The following NAV2 variants were observed in gnomAD, a reference collection of about 807,000 sequenced individuals.
NAV2 encodes the protein neuron navigator 2.
A neutral mutation model predicts 223.2 loss-of-function variants in NAV2; 54 were observed. The ratio of observed to expected loss-of-function variants is 0.24; its 90% CI spans 0.19 to 0.30. The LOEUF is 0.30. Among genes scored for constraint, NAV2 ranks in the 10% least tolerant of loss-of-function variants. The pLI, the probability that NAV2 is intolerant of heterozygous loss-of-function variation, is 1.00. For synonymous variants in NAV2, 1,279 were observed against 1,239.3 expected (o/e 1.03, Z -0.67); for missense variants, 2,806 against 3,147.5 (o/e 0.89, Z 2.60).
chr11:19,735,205 C>T (rs1207028910), intron 1 of NAV2, among the ~76,000 whole-genome samples: 2 of 152,178 alleles, frequency 1.3e-5, no homozygotes, highest in African/African-American at 2.4e-5. Flanking sequence ...AAAGCTTCTC[C>T]ATGGGCTTTG....
chr11:20,058,201 T>C (rs1340100628), intron 19 of NAV2, among the ~76,000 whole-genome samples: 1 of 152,238 alleles, frequency 6.6e-6, no homozygotes, highest in Non-Finnish European at 1.5e-5. Context: ...ATTTCATGTT[T>C]GGACCAAACA....
chr11:19,437,363 T>G (rs940304147), intron 1 of NAV2, among the ~76,000 whole-genome samples: 3 of 152,140 alleles, frequency 2.0e-5, no homozygotes, highest in Non-Finnish European at 4.4e-5. Context: ...CTTGGTGTCA[T>G]CCTTTAAATA....
Position 19,933,463 on chromosome 11 carries a change from C to A in NAV2, c.1219C>A (p.Leu407Ile), listed in dbSNP as rs1481937520. The change falls in exon 7 of 38, where the codon CTT becomes ATT. Residue 407 changes from leucine to isoleucine, a missense_variant. Physicochemically the swap from Leu to Ile is conservative, Grantham distance 5. Around this residue, in one of 4 missense-constraint regions of NAV2, gnomAD observed 1,167 missense variants for 1,180.5 expected, o/e 0.99. Transcript: ENST00000349880. The surrounding 1 kb of genome is among the most constrained non-coding windows in gnomAD (Gnocchi z 4.3). ...GAAGTCCATGCTGGAAAAGCTGAAA[C>A]TTTTCAACAGTAAAGGGGGCTCAAA... The part of the protein sequence containing the change: ...NQKSMLEKLK[L>I]FNSKGGSKAG... 6.2e-7 allele frequency: 1 copy of A among 1,607,300 alleles called. No individual in the cohort carries two copies. The highest frequency in any genetic ancestry group is 2.2e-5 in the East Asian group (1 of 44,794).
intron 6 of NAV2, among the ~76,000 whole-genome samples, chr11:19,899,045 T>C (rs1045670046): frequency 2.6e-5 from 4 of 152,170 alleles, no homozygotes; most frequent in African/African-American, 9.6e-5. Flanking sequence ...TCTGAGGTCC[T>C]CCATCACTAA....
At chr11:19,654,243 G>T (rs2048053089) in intron 1 of NAV2, among the ~76,000 whole-genome samples, 2 of 151,868 alleles carry the variant, frequency 1.3e-5, no homozygotes, top group Non-Finnish European at 2.9e-5. Context: ...AATAAAAGAG[G>T]ATACAAACAA....
chr11:19,764,773 C>G (rs2055069371), intron 1 of NAV2, among the ~76,000 whole-genome samples: 1 of 152,104 alleles, frequency 6.6e-6, no homozygotes, highest in Admixed American at 6.6e-5. Flanking sequence ...ACTGGTCATG[C>G]CCAAACTGGA....
chr11:19,636,919 C>G (rs902835412), intron 1 of NAV2, among the ~76,000 whole-genome samples: 1 of 152,178 alleles, frequency 6.6e-6, no homozygotes, highest in Non-Finnish European at 1.5e-5. Context: ...AATGAGTTTC[C>G]TCTTAAAAGA....
chr11:20,011,929 G>A (rs1232207656), intron 11 of NAV2, among the ~76,000 whole-genome samples: 1 of 152,206 alleles, frequency 6.6e-6, no homozygotes, highest in Non-Finnish European at 1.5e-5. Flanking sequence ...GCACACTAGT[G>A]TGGGCTGCCA....
intron 1 of NAV2, among the ~76,000 whole-genome samples, chr11:19,494,854 C>G (rs914734606): frequency 6.6e-6 from 1 of 152,226 alleles, no homozygotes; most frequent in Non-Finnish European, 1.5e-5. Flanking sequence ...CTCCTCTCCC[C>G]ATTCTGGGTT....
At chr11:19,519,443 C>T (rs1200965543) in intron 1 of NAV2, among the ~76,000 whole-genome samples, 1 of 152,192 alleles carries the variant, frequency 6.6e-6, no homozygotes, top group Non-Finnish European at 1.5e-5. Flanking sequence ...ATGGGTGGAG[C>T]AACTGAGGCA....
At chr11:19,647,474 T>C (rs2047850186) in intron 1 of NAV2, among the ~76,000 whole-genome samples, 1 of 152,064 alleles carries the variant, frequency 6.6e-6, no homozygotes, top group South Asian at 2.1e-4. Context: ...AGCACCAACA[T>C]CATCCCTCAT....
rs147539699 is a variant in NAV2, at chr11:20,064,465, T to C, written c.4884+2106T>C. On this transcript the variant is annotated intron_variant, in intron 20 of 37. Coordinates refer to ENST00000349880, the MANE Select transcript of NAV2 (RefSeq NM_145117.5). ...TTCCCTGTGGCATTCCCAAGGGTTC[T>C]TGCCAACACAGAGGGGAGTGGGTTT... 4.2e-3 allele frequency among the ~76,000 whole-genome samples: 644 copies of C among 152,306 alleles called. 4 individuals are homozygous for C. The highest frequency in any genetic ancestry group is 0.015 in the African/African-American group (615 of 41,572).
At position 20,106,175 on chromosome 11, in the gene NAV2, A is replaced by ATATATATATGTGTGTGTGTGTGTGTG. The variant is rs11267537; in HGVS notation, c.6841+449_6841+450insATATATATGTGTGTGTGTGTGTGTGT. ...TGTGTGTATATATATATATATATAT[A>ATATATATATGTGTGTGTGTGTGTGTG]TGTGTGTGTATATATATATATATAT... On this transcript the variant is annotated intron_variant, in intron 35 of 37. Transcript: ENST00000349880. 3.0e-3 allele frequency among the ~76,000 whole-genome samples: 108 copies of ATATATATATGTGTGTGTGTGTGTGTG among 35,782 alleles called. 11 individuals are homozygous for ATATATATATGTGTGTGTGTGTGTGTG. The highest frequency in any genetic ancestry group is 3.4e-3 in the African/African-American group (34 of 10,080). The allele number at this position is 35,782 out of a possible 152,430, so 23.5% of individuals were successfully genotyped here. A position where few individuals can be genotyped will look rare whatever the true frequency, so the allele number is the denominator to read the frequency against.
At chr11:20,068,278 G>T in intron 21 of NAV2, 46 bp from the exon 22 acceptor site, 1 of 1,611,468 alleles carries the variant, frequency 6.2e-7, no homozygotes, top group Non-Finnish European at 8.5e-7. Flanking sequence ...GCTCACCTTG[G>T]AAATGGACCC....
At chr11:20,111,841 A>G (rs2062665242) in intron 36 of NAV2, among the ~76,000 whole-genome samples, 1 of 152,242 alleles carries the variant, frequency 6.6e-6, no homozygotes, top group Non-Finnish European at 1.5e-5. Context: ...TATGAAGCCC[A>G]AAAGTTCCCC....
intron 1 of NAV2, among the ~76,000 whole-genome samples, chr11:19,750,768 C>T (rs1360291039): frequency 6.6e-6 from 1 of 152,146 alleles, no homozygotes; most frequent in South Asian, 2.1e-4. Flanking sequence ...TCCTCTTGGC[C>T]CTTTCCCTTT....
At chr11:19,625,148 A>G (rs1454965158) in intron 1 of NAV2, among the ~76,000 whole-genome samples, 1 of 152,186 alleles carries the variant, frequency 6.6e-6, no homozygotes, top group Admixed American at 6.5e-5. Context: ...AGTGGTATAG[A>G]ACACTAGACT....
intron 1 of NAV2, among the ~76,000 whole-genome samples, chr11:19,828,246 T>G (rs1838057): frequency 6.6e-6 from 1 of 152,192 alleles, no homozygotes; most frequent in African/African-American, 2.4e-5. Flanking sequence ...AGTGGCATTA[T>G]GTACATTCAT....
At chr11:19,433,219 T>C (rs1386455) in intron 1 of NAV2, among the ~76,000 whole-genome samples, 141,424 of 152,264 alleles carry the variant, frequency 0.93, 65,709 homozygotes, top group East Asian at 1. Context: ...GACTGAAAAA[T>C]GGAATGTTTG....
Sources: allele counts gnomAD v4.1 joint callset (sites outside exome capture counted in the v4.1 genomes callset), GRCh38; gene constraint gnomAD v4.1.1; regional missense constraint gnomAD v4.1.1; non-coding constraint Gnocchi (gnomAD v3.1); transcripts MANE v1.5; gene names NCBI Gene and HGNC (gene_info 2026-07-23, HGNC 2026-07-21).